The following BCAP29 variants were observed in gnomAD, a reference collection of about 807,000 sequenced individuals.
The protein encoded by BCAP29 is B cell receptor associated protein 29, also known as B-cell receptor-associated protein 29.
In BCAP29, 34 loss-of-function variants were observed where a neutral mutation model predicts 31.8. That is an observed-to-expected ratio of 1.07 (90% CI 0.81 to 1.42). The LOEUF (loss-of-function observed/expected upper bound fraction) is 1.42. BCAP29 is among the 40% of genes most tolerant of loss of function. The pLI is 0.00. For missense variants in BCAP29, 314 were observed against 269.2 expected, an observed-to-expected ratio of 1.17 and a Z score of -1.16; for synonymous variants, 104 against 91.3, an observed-to-expected ratio of 1.14 and a Z score of -0.79.
At chr7:107,613,777 GA>G (rs1311955827) in intron 7 of BCAP29, 38 of 1,519,746 alleles carry the variant, frequency 2.5e-5, no homozygotes, top group Non-Finnish European at 3.4e-5. Flanking sequence ...ATGCCAAAAT[GA>G]GGCCAAAATT....
chr7:107,593,913 T>C, intron 3 of BCAP29, 42 bp from the exon 4 acceptor site: 2 of 1,546,122 alleles, frequency 1.3e-6, no homozygotes, highest in Non-Finnish European at 1.7e-6. Context: ...AAGCTTATAT[T>C]CGTAAAAGCC....
intron 6 of BCAP29, among the ~76,000 whole-genome samples, chr7:107,608,375 T>C (rs1022377866): frequency 5.3e-5 from 8 of 152,232 alleles, no homozygotes; most frequent in Non-Finnish European, 1.0e-4. Flanking sequence ...TACTTTAGTT[T>C]ATTGTTCAGG....
At chr7:107,621,565 G>A (rs1814973923), downstream of BCAP29, 1 of 381,298 alleles carries the variant, frequency 2.6e-6, no homozygotes, top group Middle Eastern at 9.7e-4. Flanking sequence ...AAAGTCTTGA[G>A]ATGGAGAGAT....
chr7:107,600,056 A>T (rs974498974), intron 5 of BCAP29, among the ~76,000 whole-genome samples: 4 of 152,258 alleles, frequency 2.6e-5, no homozygotes, highest in East Asian at 3.9e-4. Context: ...CATCCTCAGA[A>T]CTGTTTTTTT....
At chr7:107,601,444 T>C (rs1811157476) in intron 6 of BCAP29, among the ~76,000 whole-genome samples, 1 of 152,210 alleles carries the variant, frequency 6.6e-6, no homozygotes, top group African/African-American at 2.4e-5. Context: ...CAAAATTCTT[T>C]AGTCACGTTC....
intron 2 of BCAP29, among the ~76,000 whole-genome samples, 165 bp downstream of exon 2, chr7:107,581,029 AC>A (rs1806557804): frequency 6.6e-6 from 1 of 152,194 alleles, no homozygotes; most frequent in South Asian, 2.1e-4. Context: ...TTTATATAAA[AC>A]TCTGTTACGT....
At chr7:107,581,748 C>T (rs532094202) in intron 2 of BCAP29, among the ~76,000 whole-genome samples, 1 of 152,318 alleles carries the variant, frequency 6.6e-6, no homozygotes, top group East Asian at 1.9e-4. Flanking sequence ...TCCAGATAGT[C>T]TTTCACAACT....
At chr7:107,603,853 C>T (rs1811616913) in intron 6 of BCAP29, among the ~76,000 whole-genome samples, 1 of 151,928 alleles carries the variant, frequency 6.6e-6, no homozygotes, top group East Asian at 1.9e-4. Context: ...GCCCTTCCTC[C>T]TCAGCCTCCA....
At chr7:107,583,049 A>G (rs1806988252) in intron 2 of BCAP29, among the ~76,000 whole-genome samples, 1 of 152,090 alleles carries the variant, frequency 6.6e-6, no homozygotes. Flanking sequence ...TTCAAGTTGT[A>G]AGTGCTTGAA....
chr7:107,621,239 A>G, downstream of BCAP29: 1 of 161,684 alleles, frequency 6.2e-6, no homozygotes, highest in Non-Finnish European at 1.3e-5. Flanking sequence ...ATTGACTTTA[A>G]TGTCTGGGAT....
chr7:107,616,878 A>G (rs1057072972), intron 7 of BCAP29, among the ~76,000 whole-genome samples: 4 of 152,148 alleles, frequency 2.6e-5, no homozygotes, highest in Non-Finnish European at 5.9e-5. Flanking sequence ...GACTGGGACT[A>G]CAAGCACATG....
At chr7:107,593,086 A>G (rs1809172258) in intron 3 of BCAP29, among the ~76,000 whole-genome samples, 1 of 152,222 alleles carries the variant, frequency 6.6e-6, no homozygotes, top group Non-Finnish European at 1.5e-5. Context: ...TAAAGCTGCT[A>G]AAAATAAAAT....
In BCAP29 at chr7:107,618,629, T is replaced by C; in HGVS notation, c.*266T>C. ...GATAATGTCATTGGTATATGGTGGC[T>C]GTTTACCAATAAAAGGAAAAAATTC... On this transcript the variant is annotated 3_prime_UTR_variant, in exon 8 of 8. Coordinates refer to ENST00000005259, the MANE Select transcript of BCAP29 (RefSeq NM_018844.4). The C allele has an allele frequency of 1.4e-6, 2 of 1,480,480 alleles. No homozygotes were observed. The highest frequency in any genetic ancestry group is 1.8e-6 in the Non-Finnish European group (2 of 1,102,382). The allele number at this position is 1,480,480 out of a possible 1,614,324, so 91.7% of individuals were successfully genotyped here.
At chr7:107,602,680 A>G (rs1303848008) in intron 6 of BCAP29, among the ~76,000 whole-genome samples, 1 of 152,238 alleles carries the variant, frequency 6.6e-6, no homozygotes, top group East Asian at 1.9e-4. Flanking sequence ...AAACGTAAAT[A>G]CAAATGTTTA....
intron 6 of BCAP29, 61 bp from the exon 7 acceptor site, chr7:107,613,271 A>G (rs998830799): frequency 9.2e-6 from 12 of 1,307,972 alleles, no homozygotes; most frequent in East Asian, 4.9e-5. Context: ...TAAGCCTTGT[A>G]ACTTTTCTAT....
chr7:107,600,390 G>A lies in BCAP29; in HGVS notation c.481-7G>A, dbSNP rs775443364. The stretch of plus-strand genomic sequence containing the variant: ...CTTATTTCTTCCTGTATCTCCTTTT[G>A]CAATAGATTTTGAAAAGCCATGGTA... On this transcript the variant is annotated splice_polypyrimidine_tract_variant and splice_region_variant and intron_variant, in intron 5 of 7. Transcript: ENST00000005259. 9.1e-6 allele frequency: 14 copies of A among 1,540,856 alleles called. No homozygotes were observed. The highest frequency in any genetic ancestry group is 1.7e-4 in the Middle Eastern group (1 of 5,930).
upstream of BCAP29, chr7:107,580,116 A>C (rs1202834308): frequency 6.6e-6 from 1 of 152,230 alleles, no homozygotes; most frequent in African/African-American, 2.4e-5. Flanking sequence ...ATTAGAAAAC[A>C]ACTGTTGCCA....
intron 6 of BCAP29, among the ~76,000 whole-genome samples, chr7:107,605,447 A>C (rs1470264727): frequency 6.6e-6 from 1 of 152,208 alleles, no homozygotes; most frequent in African/African-American, 2.4e-5. Context: ...CAAAAACATG[A>C]GTGGAGAGTG....
chr7:107,585,688 G>A (rs796544729), intron 3 of BCAP29, among the ~76,000 whole-genome samples: 13 of 152,136 alleles, frequency 8.5e-5, no homozygotes, highest in African/African-American at 3.1e-4. Context: ...AGTTCTTTTG[G>A]TTACATTAGA....
Sources: gnomAD v4.1 joint callset for allele counts (sites outside exome capture counted in the v4.1 genomes callset) on GRCh38, gnomAD v4.1.1 for gene constraint, MANE v1.5 for transcripts, NCBI Gene and HGNC (gene_info 2026-07-23, HGNC 2026-07-21) for gene names.